Variants in CSN2 observed in about 807,000 individuals in gnomAD.
CSN2 encodes casein beta.
Under a neutral mutation model 27.3 loss-of-function variants are expected in CSN2, and 27 were observed. That is an observed-to-expected ratio of 0.99 (90% CI 0.73 to 1.36). CSN2 has a LOEUF of 1.36. Among genes scored for constraint, CSN2 ranks in the 40% most tolerant of loss-of-function variants. The pLI is 0.00. For missense variants in CSN2, 333 were observed against 264.5 expected, an observed-to-expected ratio of 1.26 and a Z score of -1.80; for synonymous variants, 131 against 94.8, an observed-to-expected ratio of 1.38 and a Z score of -2.22.
chr4:69,955,877 C>T (rs1329246528), intron 7 of CSN2, among the ~76,000 whole-genome samples: 4 of 151,982 alleles, frequency 2.6e-5, no homozygotes, highest in Non-Finnish European at 4.4e-5. Context: ...TTAACCTTTA[C>T]ACTTGGAGTA....
chr4:69,963,519 T>C (rs1314482995), intron 1 of CSN2, among the ~76,000 whole-genome samples: 3 of 151,050 alleles, frequency 2.0e-5, no homozygotes, highest in South Asian at 2.1e-4. Flanking sequence ...TTCTCACTCA[T>C]AGGTGGGAAT....
At chr4:69,957,940 G>C in intron 5 of CSN2, 136 bp from the exon 6 acceptor site, 2 of 889,644 alleles carry the variant, frequency 2.2e-6, no homozygotes, top group Non-Finnish European at 3.4e-6. Context: ...TTTTGGTTAA[G>C]AAAGTATCTT....
At chr4:69,964,137 T>A (rs904662710) in intron 1 of CSN2, among the ~76,000 whole-genome samples, 1 of 152,134 alleles carries the variant, frequency 6.6e-6, no homozygotes, top group Non-Finnish European at 1.5e-5. Flanking sequence ...TAGCTAATAA[T>A]GTCTGTTCTC....
chr4:69,960,369 C>T (rs1205264915), intron 2 of CSN2, among the ~76,000 whole-genome samples: 2 of 151,376 alleles, frequency 1.3e-5, no homozygotes, highest in Admixed American at 6.6e-5. Context: ...ACTTTAATGT[C>T]TTTTATATTT....
At position 69,959,053 on chromosome 4, in the gene CSN2, T is replaced by C. The variant is rs1033143452; in HGVS notation, c.95A>G (p.Tyr32Cys). The change falls in exon 4 of 8, where the codon TAC (tyrosine) becomes TGC (cysteine). Residue 32 changes from tyrosine (Y) to cysteine (C), a missense_variant. By Grantham distance (194) the Tyr-to-Cys change is radical (BLOSUM62 -2). Transcript: ENST00000353151. Reference sequence around the variant, plus strand: ...ATTTTAAATGTGAAAATTTACCTTGTATTCTGTAATAGATTCCTACAGAAA... The same window carrying C: ...ATTTTAAATGTGAAAATTTACCTTGCATTCTGTAATAGATTCCTACAGAAA... The part of the protein sequence containing the change: ...LSSSEESITE[Y>C]KQKVEKVKHE... 3 of 1,405,128 alleles carry C rather than the reference T, an allele frequency of 2.1e-6. No individual in the cohort carries two copies. Among genetic ancestry groups the C allele is most frequent in the East Asian group, 2.4e-5 (1 of 41,974 alleles). The allele number at this position is 1,405,128 out of a possible 1,614,324, so 87.0% of individuals were successfully genotyped here.
intron 3 of CSN2, among the ~76,000 whole-genome samples, chr4:69,959,331 A>T (rs568972500): frequency 6.6e-6 from 1 of 152,244 alleles, no homozygotes; most frequent in East Asian, 1.9e-4. Context: ...CCCTGACAAC[A>T]AATGATATCT....
intron 1 of CSN2, among the ~76,000 whole-genome samples, chr4:69,961,573 G>A (rs1723585566): frequency 6.6e-6 from 1 of 151,976 alleles, no homozygotes; most frequent in Non-Finnish European, 1.5e-5. Context: ...GGTATTGATG[G>A]GACATATCTC....
chr4:69,955,795 G>A (rs1462693917), intron 7 of CSN2, among the ~76,000 whole-genome samples: 2 of 152,002 alleles, frequency 1.3e-5, no homozygotes, highest in Non-Finnish European at 2.9e-5. Context: ...AATTGTTTCA[G>A]TGAAATGTCT....
chr4:69,964,834 T>C (rs967305633), intron 1 of CSN2, among the ~76,000 whole-genome samples: 14 of 149,924 alleles, frequency 9.3e-5, no homozygotes, highest in African/African-American at 3.2e-4. Context: ...TAATATATAC[T>C]AATACTAATT....
At chr4:69,964,382 T>A (rs4694258) in intron 1 of CSN2, among the ~76,000 whole-genome samples, 38,737 of 151,902 alleles carry the variant, frequency 0.26, 5,231 homozygotes, top group South Asian at 0.35. Context: ...AAAATAATGT[T>A]TGTGCCACAA....
chr4:69,957,073 C>T (rs939654468), intron 6 of CSN2, among the ~76,000 whole-genome samples: 1 of 152,190 alleles, frequency 6.6e-6, no homozygotes, highest in Non-Finnish European at 1.5e-5. Context: ...TTAATGGGTG[C>T]AGCACACCAA....
At chr4:69,960,493 T>C (rs1269388802) in intron 2 of CSN2, among the ~76,000 whole-genome samples, 1 of 151,092 alleles carries the variant, frequency 6.6e-6, no homozygotes, top group Non-Finnish European at 1.5e-5. Flanking sequence ...ATTATTAATA[T>C]ATTTATGATC....
intron 1 of CSN2, among the ~76,000 whole-genome samples, chr4:69,961,543 T>C (rs1350892937): frequency 6.6e-6 from 1 of 152,178 alleles, no homozygotes; most frequent in African/African-American, 2.4e-5. Flanking sequence ...CACTTCATGC[T>C]AAAAACTCTC....
chr4:69,962,124 G>A (rs1456848106), intron 1 of CSN2, among the ~76,000 whole-genome samples: 1 of 152,214 alleles, frequency 6.6e-6, no homozygotes, highest in Middle Eastern at 3.4e-3. Context: ...CTCATGGGTA[G>A]GAAGAATCAA....
At chr4:69,963,978 G>T (rs575647071) in intron 1 of CSN2, among the ~76,000 whole-genome samples, 1 of 147,720 alleles carries the variant, frequency 6.8e-6, no homozygotes, top group South Asian at 2.1e-4. Flanking sequence ...TTCACTAAAC[G>T]GTTACCATGA....
chr4:69,965,337 G>A (rs1377101372), intron 1 of CSN2, among the ~76,000 whole-genome samples: 1 of 116,470 alleles, frequency 8.6e-6, no homozygotes, highest in African/African-American at 3.2e-5. Flanking sequence ...ACTGTGATAT[G>A]CTAAATCAAA....
Position 69,957,339 on chromosome 4 carries a change from G to A in CSN2, c.610C>T (p.Leu204Phe), listed in dbSNP as rs899362691. 6.2e-7 allele frequency: 1 copy of A among 1,601,122 alleles called. No homozygotes were observed. Among genetic ancestry groups the A allele is most frequent in the African/African-American group, 1.4e-5 (1 of 74,036 alleles). ...QALLLNQELL[L>F]NPTHQIYPVT... ...GGGTAGATCTGGTGGGTGGGGTTAA[G>A]TAGAAGTTCTTGGTTGAGCAGAAGG... The change falls in exon 6 of 8, where the codon CTT becomes TTT. Residue 204 changes from leucine to phenylalanine, a missense_variant. By Grantham distance (22) the Leu-to-Phe change is conservative. Coordinates refer to ENST00000353151, the MANE Select transcript of CSN2 (RefSeq NM_001891.4).
Position 69,957,630 on chromosome 4 carries a change from T to C in CSN2, c.319A>G (p.Thr107Ala). ...EIMEVPKAKDTVYTKGRVMPV... is the reference protein window; with the variant it reads ...EIMEVPKAKDAVYTKGRVMPV... ...ATCACTCTGCCCTTAGTGTAGACAG[T>C]GTCTTTAGCTTTAGGGACTTCCATT... Residue 107 changes from threonine to alanine, a missense_variant, in exon 6 of 8, where the codon ACT (threonine) becomes GCT (alanine). By Grantham distance (58) the Thr-to-Ala change is moderately conservative. Coordinates refer to ENST00000353151, the MANE Select transcript of CSN2 (RefSeq NM_001891.4). The C allele has an allele frequency of 6.2e-7, 1 of 1,613,956 alleles. No homozygotes were observed. The highest frequency in any genetic ancestry group is 8.5e-7 in the Non-Finnish European group (1 of 1,179,986).
Position 69,962,993 on chromosome 4 carries a change from C to T in CSN2, c.-12-1986G>A, listed in dbSNP as rs530934751. ...AAAAATCACATGAAAAAATGCTCAT[C>T]ATCACTGGCCATCAGAGAAATGCAA... is the stretch of plus-strand genomic sequence containing the variant. On this transcript the variant is annotated intron_variant, in intron 1 of 7. Transcript: ENST00000353151. 8.5e-5 allele frequency among the ~76,000 whole-genome samples: 13 copies of T among 152,256 alleles called. No individual in the cohort carries two copies. The South Asian group carries it at 2.1e-3, about 24-fold the overall frequency.
Sources: allele counts gnomAD v4.1 joint callset (sites outside exome capture counted in the v4.1 genomes callset), GRCh38; gene constraint gnomAD v4.1.1; transcripts MANE v1.5; gene names NCBI Gene and HGNC (gene_info 2026-07-23, HGNC 2026-07-21).